The following PHLDB2 variants were observed in gnomAD, a reference collection of about 807,000 sequenced individuals.
The protein encoded by PHLDB2 is pleckstrin homology like domain family B member 2.
Under a neutral mutation model 123.6 loss-of-function variants are expected in PHLDB2, and 71 were observed. The observed-to-expected ratio is 0.57, with a 90% CI of 0.47 to 0.70. The LOEUF is 0.70. Ranked by LOEUF, PHLDB2 falls within the 30% of genes least tolerant of loss-of-function variation. PHLDB2 has a pLI of 0.00. For synonymous variants in PHLDB2, 547 were observed against 541.6 expected (o/e 1.01, Z -0.14); for missense variants, 1,446 against 1,519.5 (o/e 0.95, Z 0.80).
intron 12 of PHLDB2, among the ~76,000 whole-genome samples, chr3:111,959,478 G>A (rs981867543): frequency 1.1e-4 from 16 of 152,188 alleles, no homozygotes; most frequent in South Asian, 2.1e-4. Flanking sequence ...ATGCTTTTTC[G>A]TTTAAGTTGC....
At chr3:111,969,959 G>A (rs1559929075) in intron 16 of PHLDB2, 50 bp downstream of exon 16, 22 of 1,558,470 alleles carry the variant, frequency 1.4e-5, no homozygotes, top group Non-Finnish European at 1.8e-5. Context: ...AGAACCCCCT[G>A]TTAAAGAGCA....
At chr3:111,942,189 T>C (rs1196831191) in intron 8 of PHLDB2, among the ~76,000 whole-genome samples, 1 of 152,244 alleles carries the variant, frequency 6.6e-6, no homozygotes, top group Non-Finnish European at 1.5e-5. Context: ...AATATTTTCC[T>C]ATTAAAATAT....
chr3:111,934,251 G>C (rs2069325225), intron 6 of PHLDB2, among the ~76,000 whole-genome samples: 1 of 152,128 alleles, frequency 6.6e-6, no homozygotes, highest in Non-Finnish European at 1.5e-5. Flanking sequence ...ATGACGACCA[G>C]TATAACTCTT....
intron 1 of PHLDB2, among the ~76,000 whole-genome samples, chr3:111,791,176 A>G (rs1031750268): frequency 6.6e-6 from 1 of 152,194 alleles, no homozygotes; most frequent in Non-Finnish European, 1.5e-5. Flanking sequence ...TTCTTAACCA[A>G]TATTCTTTTG....
intron 4 of PHLDB2, among the ~76,000 whole-genome samples, chr3:111,919,416 A>G (rs530112383): frequency 6.6e-6 from 1 of 151,946 alleles, no homozygotes; most frequent in East Asian, 1.9e-4. Flanking sequence ...ACCAGATGAG[A>G]TAAACATATT....
intron 16 of PHLDB2, among the ~76,000 whole-genome samples, chr3:111,972,987 C>T (rs1385300517): frequency 1.3e-5 from 2 of 152,144 alleles, no homozygotes; most frequent in Non-Finnish European, 2.9e-5. Flanking sequence ...AGTCTCTTTC[C>T]CTGCCTCCTC....
At chr3:111,752,236 G>GTGTGTGTGTGTGTGTGTC (rs1053558316) in intron 1 of PHLDB2, among the ~76,000 whole-genome samples, 1 of 143,490 alleles carries the variant, frequency 7.0e-6, no homozygotes, top group East Asian at 2.0e-4. Flanking sequence ...GTGTGTGTGT[G>GTGTGTGTGTGTGTGTGTC]TGTGTCTGTG....
At chr3:111,807,753 T>C (rs79290702) in intron 1 of PHLDB2, among the ~76,000 whole-genome samples, 1 of 151,488 alleles carries the variant, frequency 6.6e-6, no homozygotes, top group African/African-American at 2.4e-5. Context: ...AGTGAGACCC[T>C]GTCTCAAAAA....
chr3:111,846,182 A>G, intron 2 of PHLDB2: 2 of 389,870 alleles, frequency 5.1e-6, no homozygotes, highest in Non-Finnish European at 9.6e-6. Flanking sequence ...AAGGATGGGA[A>G]GACCCAAGCA....
At chr3:111,966,127 A>G (rs1268013822) in intron 13 of PHLDB2, among the ~76,000 whole-genome samples, 13 of 152,206 alleles carry the variant, frequency 8.5e-5, no homozygotes, top group Admixed American at 8.5e-4. Context: ...AGCTCATAAT[A>G]CATATTCCAC....
At position 111,885,172 on chromosome 3, in the gene PHLDB2, T is replaced by A. The variant is rs748133473; in HGVS notation, c.1095T>A (p.Ser365Arg). The stretch of plus-strand genomic sequence containing the variant: ...CTTCATATGTGGGGACAAACCCGAG[T>A]CATTCACTTCTTGCTGGAGAGTCAG... ...DQASYVGTNP[S>R]HSLLAGESDR... Residue 365 changes from serine to arginine, a missense_variant, in exon 2 of 18, where the codon AGT becomes AGA. Ser to Arg is a moderately radical substitution (Grantham distance 110). Around this residue, in one of 3 missense-constraint regions of PHLDB2, gnomAD observed 832 missense variants for 831.9 expected, o/e 1.00. Coordinates refer to ENST00000431670, the MANE Select transcript of PHLDB2 (RefSeq NM_001134438.2). 3 of 1,613,836 alleles carry A rather than the reference T, an allele frequency of 1.9e-6. No individual in the cohort carries two copies.
In PHLDB2 at chr3:111,853,091, A is replaced by G. The variant is rs183951431; in HGVS notation, c.67+7156A>G. Among the ~76,000 whole-genome samples, 28 of 152,262 alleles carry G rather than the reference A, an allele frequency of 1.8e-4. No homozygotes were observed. The East Asian group carries it at 4.6e-3, about 25-fold the overall frequency. On this transcript the variant is annotated intron_variant, in intron 2 of 17. Coordinates refer to the PHLDB2 transcript ENST00000393923. ...TTAATTTGATTAATATGTTATTTAT[A>G]CTTTATCTATTTAAATATATATTAG... is the stretch of plus-strand genomic sequence containing the variant.
chr3:111,779,680 C>A, intron 1 of PHLDB2, among the ~76,000 whole-genome samples: 1 of 152,012 alleles, frequency 6.6e-6, no homozygotes, highest in Non-Finnish European at 1.5e-5. Flanking sequence ...GGGCACTGGG[C>A]CCTTGATGGG....
At chr3:111,770,155 A>G (rs1046094038) in intron 1 of PHLDB2, among the ~76,000 whole-genome samples, 1 of 152,214 alleles carries the variant, frequency 6.6e-6, no homozygotes, top group African/African-American at 2.4e-5. Context: ...CTAGAAGCCC[A>G]TGTTTCCCTT....
chr3:111,866,032 T>TTTTTTTTTTTTTTTTG (rs2065060444), intron 1 of PHLDB2, among the ~76,000 whole-genome samples: 1 of 133,700 alleles, frequency 7.5e-6, no homozygotes. Flanking sequence ...TTTTTTTTTT[T>TTTTTTTTTTTTTTTTG]TTTTTTGGAG....
rs531803593 is a variant in PHLDB2, at chr3:111,912,123, T to G, written c.1336-1196T>G. ...TAAATGTGATCACAATAGATGGTTT[T>G]TGTTTTTAGTTCTTTTTTCACTTTG... On this transcript the variant is annotated intron_variant, in intron 2 of 17. Transcript: ENST00000431670. Among the ~76,000 whole-genome samples the G allele has an allele frequency of 5.2e-4, 79 of 152,350 alleles. No individual in the cohort carries two copies. The South Asian group carries it at 8.9e-3, about 17-fold the overall frequency.
chr3:111,776,898 C>T (rs1349576367), intron 1 of PHLDB2, among the ~76,000 whole-genome samples: 1 of 151,958 alleles, frequency 6.6e-6, no homozygotes, highest in African/African-American at 2.4e-5. Flanking sequence ...AGTATATTTC[C>T]AAGGAAATAG....
At chr3:111,897,547 G>A (rs1398161965) in intron 2 of PHLDB2, among the ~76,000 whole-genome samples, 1 of 152,170 alleles carries the variant, frequency 6.6e-6, no homozygotes, top group East Asian at 1.9e-4. Flanking sequence ...TTTTGGTTTG[G>A]ATAAATTGGT....
intron 1 of PHLDB2, among the ~76,000 whole-genome samples, chr3:111,740,246 C>T (rs540364339): frequency 1.3e-5 from 2 of 152,272 alleles, no homozygotes; most frequent in East Asian, 1.9e-4. Flanking sequence ...CAAAGAACCT[C>T]TGGTCCAAGA....
Sources: gnomAD v4.1 joint callset for allele counts (sites outside exome capture counted in the v4.1 genomes callset) on GRCh38, gnomAD v4.1.1 for gene constraint, gnomAD v4.1.1 regional missense constraint, MANE v1.5 for transcripts, NCBI Gene and HGNC (gene_info 2026-07-23, HGNC 2026-07-21) for gene names.